Variants in INPP4A observed in about 807,000 individuals in gnomAD.
INPP4A encodes inositol polyphosphate-4-phosphatase, type I, 107kD.
A neutral mutation model predicts 119.8 loss-of-function variants in INPP4A; 33 were observed. The observed-to-expected ratio is 0.28, with a 90% CI of 0.21 to 0.37. INPP4A has a LOEUF of 0.37. Ranked by LOEUF, INPP4A falls within the 10% of genes least tolerant of loss-of-function variation. The pLI, the probability that INPP4A is intolerant of heterozygous loss-of-function variation, is 1.00. For synonymous variants in INPP4A, 496 were observed against 500.7 expected, an observed-to-expected ratio of 0.99 and a Z score of 0.12; for missense variants, 956 against 1,289.9, an observed-to-expected ratio of 0.74 and a Z score of 3.97.
intron 1 of INPP4A, among the ~76,000 whole-genome samples, chr2:98,491,508 T>A (rs1037824938): frequency 6.6e-6 from 1 of 152,224 alleles, no homozygotes; most frequent in Non-Finnish European, 1.5e-5. Flanking sequence ...AATTGAAAGC[T>A]GATTACCTGG....
At chr2:98,542,250 C>T (rs1574998742) in intron 10 of INPP4A, among the ~76,000 whole-genome samples, 1 of 152,246 alleles carries the variant, frequency 6.6e-6, no homozygotes, top group Non-Finnish European at 1.5e-5. Flanking sequence ...GCCATGGGGC[C>T]GGCTGGCCAC....
At chr2:98,579,310 C>T (rs1430246225) in intron 24 of INPP4A, among the ~76,000 whole-genome samples, 1 of 152,212 alleles carries the variant, frequency 6.6e-6, no homozygotes, top group African/African-American at 2.4e-5. Context: ...CTTGGCCTCC[C>T]ATAGTGCTGG....
Position 98,544,000 on chromosome 2 carries a change from G to A in INPP4A, c.942G>A (p.Gln314=), listed in dbSNP as rs1294233585. 5 of 1,558,792 alleles carry A rather than the reference G, an allele frequency of 3.2e-6. No homozygotes were observed. Among genetic ancestry groups the A allele is most frequent in the Non-Finnish European group, 4.3e-6 (5 of 1,150,750 alleles). ...TYQENLTDLH[Q]YRGPSFKASS... is the part of the protein sequence containing the mutation. ...AGGAGAACCTGACCGACCTCCATCA[G>A]TACAGAGGTGGGTGCACCCCCATGC... The change falls in exon 11 of 25, where the codon CAG becomes CAA. Residue 314 remains glutamine (Q), a synonymous_variant. Coordinates refer to ENST00000409851, the MANE Select transcript of INPP4A (RefSeq NM_001134225.2).
intron 1 of INPP4A, among the ~76,000 whole-genome samples, chr2:98,509,998 G>C (rs568242324): frequency 6.6e-6 from 1 of 152,314 alleles, no homozygotes; most frequent in Non-Finnish European, 1.5e-5. Context: ...TGATGCAAAG[G>C]CCACACCAGA....
intron 1 of INPP4A, among the ~76,000 whole-genome samples, chr2:98,513,827 GC>G (rs1368920804): frequency 3.3e-5 from 5 of 152,176 alleles, no homozygotes; most frequent in Admixed American, 2.0e-4. Flanking sequence ...TCAGTTTATG[GC>G]ATCAGTGGCT....
At position 98,555,578 on chromosome 2, in the gene INPP4A, A is replaced by G. The variant is rs1173362000; in HGVS notation, c.1592A>G (p.Lys531Arg). The part of the protein sequence containing the change: ...EWEKVWLNVD[K>R]SLECIIQRVD... ...GAGAAAGTGTGGCTGAACGTGGACA[A>G]GAGCCTAGAGTGCATCATTCAGCGT... is the stretch of plus-strand genomic sequence containing the variant. Residue 531 changes from lysine (K) to arginine (R), a missense_variant, in exon 16 of 25, where the codon AAG becomes AGG. Physicochemically the swap from Lys to Arg is conservative, Grantham distance 26 (BLOSUM62 2). Transcript: ENST00000409851. The G allele has an allele frequency of 2.5e-6, 4 of 1,607,086 alleles. No homozygotes were observed. In the South Asian group the frequency reaches 3.3e-5, roughly 13 times the overall value.
chr2:98,548,926 T>C (rs751834634), intron 13 of INPP4A: 1 of 1,598,754 alleles, frequency 6.3e-7, no homozygotes, highest in Non-Finnish European at 8.5e-7. Context: ...AAACTGCTAA[T>C]ATTTCATTTT....
rs1210150702 is a variant in INPP4A at position 98,554,999 on chromosome 2, GAC to G, written c.1566+514_1566+515del. ...CAGGATCTGTGTTTCTTGAGGGAGT[GAC>G]ACATTGTACAACTTGTTTTTACCAT... On this transcript the variant is annotated intron_variant, in intron 15 of 24. Transcript: ENST00000409851. The surrounding 1 kb of genome is among the most constrained non-coding windows in gnomAD (Gnocchi z 4.7). Among the ~76,000 whole-genome samples, 1 of 152,168 alleles carries G rather than the reference GAC, an allele frequency of 6.6e-6. No homozygotes were observed. The highest frequency in any genetic ancestry group is 1.9e-4 in the East Asian group (1 of 5,194).
intron 1 of INPP4A, among the ~76,000 whole-genome samples, chr2:98,461,570 C>G (rs1208917607): frequency 6.6e-6 from 1 of 152,244 alleles, no homozygotes; most frequent in African/African-American, 2.4e-5. Flanking sequence ...ATTTTCATGG[C>G]TTAAAAATTG....
intron 24 of INPP4A, among the ~76,000 whole-genome samples, chr2:98,581,357 G>A (rs1227284797): frequency 6.6e-6 from 1 of 151,738 alleles, no homozygotes; most frequent in Non-Finnish European, 1.5e-5. Flanking sequence ...TCCTGTAACT[G>A]TGCTGGTTTT....
chr2:98,497,728 G>C (rs1028968461), intron 1 of INPP4A, among the ~76,000 whole-genome samples: 2 of 152,158 alleles, frequency 1.3e-5, no homozygotes, highest in South Asian at 4.1e-4. Context: ...GCTTTGCTGT[G>C]CAGAAGCTTG....
At chr2:98,504,845 G>A (rs1279549900) in intron 1 of INPP4A, among the ~76,000 whole-genome samples, 1 of 152,222 alleles carries the variant, frequency 6.6e-6, no homozygotes, top group African/African-American at 2.4e-5. Flanking sequence ...ACGTGGCGCT[G>A]TAGAAGGAAA....
At chr2:98,536,243 G>A in intron 7 of INPP4A, 35 bp downstream of exon 7, 1 of 1,280,648 alleles carries the variant, frequency 7.8e-7, no homozygotes. Context: ...GAAAGGATCT[G>A]GAATCATGAG....
intron 24 of INPP4A, among the ~76,000 whole-genome samples, chr2:98,579,919 C>T (rs1207823183): frequency 6.6e-6 from 1 of 152,264 alleles, no homozygotes; most frequent in East Asian, 1.9e-4. Flanking sequence ...CCAGAATTCT[C>T]GCACCAGCTC....
intron 4 of INPP4A, among the ~76,000 whole-genome samples, chr2:98,525,901 A>G (rs112857238): frequency 0.01 from 1,584 of 152,342 alleles, 44 homozygotes; most frequent in African/African-American, 0.036. Flanking sequence ...AAATGATACA[A>G]ACACATTGGA....
intron 24 of INPP4A, among the ~76,000 whole-genome samples, chr2:98,585,502 C>T (rs1699850534): frequency 6.6e-6 from 1 of 152,234 alleles, no homozygotes; most frequent in African/African-American, 2.4e-5. Context: ...ATGCAGCCGA[C>T]GTGATCAGTG....
Position 98,520,063 on chromosome 2 carries a change from G to A in INPP4A, c.15G>A (p.Glu5=). 6.3e-7 allele frequency: 1 copy of A among 1,583,428 alleles called. No homozygotes were observed. Among genetic ancestry groups the A allele is most frequent in the East Asian group, 2.3e-5 (1 of 43,402 alleles). Reference sequence around the variant, plus strand: ...CCAATGACATCATGACAGCAAGAGAGCACAGCCCTCGCCATGGTGCCAGGG... The same window carrying A: ...CCAATGACATCATGACAGCAAGAGAACACAGCCCTCGCCATGGTGCCAGGG... MTAR[E]HSPRHGARAR... is the part of the protein sequence containing the mutation. The change falls in exon 3 of 25, where the codon GAG becomes GAA. Residue 5 remains glutamate (E), a synonymous_variant. Transcript: ENST00000409851.
intron 1 of INPP4A, among the ~76,000 whole-genome samples, chr2:98,489,504 A>G (rs3769725): frequency 0.27 from 41,785 of 151,974 alleles, 5,782 homozygotes; most frequent in Middle Eastern, 0.35. Flanking sequence ...GAGGGGCCCT[A>G]GGATGCTGAG....
intron 1 of INPP4A, among the ~76,000 whole-genome samples, chr2:98,459,998 CT>C (rs1453542921): frequency 6.6e-6 from 1 of 152,004 alleles, no homozygotes; most frequent in African/African-American, 2.4e-5. Context: ...CAGCAGTGAC[CT>C]TTTTTATCCT....
Sources: allele counts gnomAD v4.1 joint callset (sites outside exome capture counted in the v4.1 genomes callset), GRCh38; gene constraint gnomAD v4.1.1; non-coding constraint Gnocchi (gnomAD v3.1); transcripts MANE v1.5; gene names NCBI Gene and HGNC (gene_info 2026-07-23, HGNC 2026-07-21).